The following TLR7 variants were observed in gnomAD, a reference collection of about 807,000 sequenced individuals.
TLR7 encodes toll like receptor 7.
TLR7 carries 12 observed loss-of-function variants against 38.3 expected under a neutral mutation model. The observed-to-expected ratio is 0.31, with a 90% CI of 0.20 to 0.51. The LOEUF (loss-of-function observed/expected upper bound fraction) is 0.51, where lower values mean the gene tolerates loss of function less well. Among genes scored for constraint, TLR7 ranks in the 20% least tolerant of loss-of-function variants. The probability of loss-of-function intolerance (pLI) is 0.98; values close to 1 mark genes in which losing one functional copy is unlikely to be tolerated. For missense variants in TLR7, 504 were observed against 743.4 expected (o/e 0.68, Z 3.74); for synonymous variants, 285 against 293.8 (o/e 0.97, Z 0.31).
rs746558365 is a variant in TLR7, at chrX:12,888,575, C to A, written c.3067C>A (p.Pro1023Thr). 3 of 1,211,415 alleles carry A rather than the reference C, an allele frequency of 2.5e-6. No homozygotes were observed. The East Asian group carries it at 8.9e-5, about 36-fold the overall frequency. The change falls in exon 3 of 3, where the codon CCA (proline) becomes ACA (threonine). Residue 1023 changes from proline to threonine, a missense_variant. Pro to Thr is a conservative substitution (Grantham distance 38). Coordinates refer to ENST00000380659, the MANE Select transcript of TLR7 (RefSeq NM_016562.4). ...LEWPTNPQAH[P>T]YFWQCLKNAL... ...GTGGCCAACAAACCCGCAAGCTCACCCATACTTCTGGCAGTGTCTAAAGAA... is the reference window on the plus strand; with the variant it reads ...GTGGCCAACAAACCCGCAAGCTCACACATACTTCTGGCAGTGTCTAAAGAA...
chrX:12,882,780 C>T (rs2042897047), intron 2 of TLR7, among the ~76,000 whole-genome samples: 1 of 112,062 alleles, frequency 8.9e-6, no homozygotes, highest in South Asian at 3.7e-4. Flanking sequence ...GGCACATCCT[C>T]GGAAACGCAG....
intron 2 of TLR7, among the ~76,000 whole-genome samples, chrX:12,883,847 CAAG>C (rs1234943792): frequency 4.5e-5 from 5 of 111,163 alleles, no homozygotes; most frequent in South Asian, 3.8e-4. Flanking sequence ...AGGGGGGTGA[CAAG>C]AAGAAGAGAC....
At chrX:12,882,798 ACTG>A in intron 2 of TLR7, among the ~76,000 whole-genome samples, 1 of 112,025 alleles carries the variant, frequency 8.9e-6, no homozygotes, top group Middle Eastern at 4.6e-3. Flanking sequence ...CAGTATGAGG[ACTG>A]CTGTGTCAAT....
chrX:12,880,845 C>T (rs986427015), intron 2 of TLR7, among the ~76,000 whole-genome samples: 1 of 111,212 alleles, frequency 9.0e-6, no homozygotes, highest in Non-Finnish European at 1.9e-5. Context: ...GTGGTAAGGG[C>T]TATGACCGAA....
Position 12,890,095 on chromosome X carries a change from T to C in TLR7, c.*1437T>C, listed in dbSNP as rs202115250. On this transcript the variant is annotated 3_prime_UTR_variant, in exon 3 of 3. Transcript: ENST00000380659. ...GGGTATAAATTCATGAGTTCAAAGA[T>C]TGAAACCTGACCAATTTGCTTTATT... is the stretch of plus-strand genomic sequence containing the variant. 1 of 112,740 alleles carries C rather than the reference T, an allele frequency of 8.9e-6. No homozygotes were observed. Among genetic ancestry groups the C allele is most frequent in the Non-Finnish European group, 1.9e-5 (1 of 53,360 alleles). The allele number at this position is 112,740 out of a possible 1,213,427, so 9.3% of individuals were successfully genotyped here.
intron 2 of TLR7, among the ~76,000 whole-genome samples, chrX:12,879,013 G>T (rs1427441460): frequency 8.9e-6 from 1 of 112,196 alleles, no homozygotes; most frequent in Non-Finnish European, 1.9e-5. Flanking sequence ...AACTTAAAGT[G>T]TAGAGTTGCA....
intron 2 of TLR7, among the ~76,000 whole-genome samples, chrX:12,883,633 C>T (rs962121233): frequency 9.0e-6 from 1 of 111,276 alleles, no homozygotes; most frequent in Non-Finnish European, 1.9e-5. Context: ...GAGTTCACAG[C>T]AAGAAACTGA....
intron 2 of TLR7, among the ~76,000 whole-genome samples, chrX:12,869,567 A>T (rs887723022): frequency 2.7e-5 from 3 of 110,493 alleles, no homozygotes; most frequent in African/African-American, 6.6e-5. Context: ...GAGGGGAACA[A>T]CACTCACTGA....
chrX:12,880,385 T>A (rs1569108214), intron 2 of TLR7, among the ~76,000 whole-genome samples: 1 of 111,573 alleles, frequency 9.0e-6, no homozygotes. Flanking sequence ...CCACCCAGAG[T>A]GCTTTTCACA....
intron 2 of TLR7, among the ~76,000 whole-genome samples, chrX:12,878,691 A>T (rs1399868037): frequency 1.8e-5 from 2 of 111,663 alleles, no homozygotes; most frequent in African/African-American, 6.5e-5. Context: ...GCAGCTCTAG[A>T]CAGCCTGAAG....
intron 2 of TLR7, among the ~76,000 whole-genome samples, chrX:12,876,025 C>T (rs1390253650): frequency 9.5e-6 from 1 of 105,194 alleles, no homozygotes; most frequent in East Asian, 3.0e-4. Flanking sequence ...GTGGTATGAT[C>T]GTGGCTTACT....
intron 2 of TLR7, chrX:12,877,754 T>C (rs1170764963): frequency 9.0e-6 from 1 of 111,108 alleles, no homozygotes. Flanking sequence ...GCCCTTCCAA[T>C]GATACCATCC....
In TLR7 at chrX:12,886,971, A is replaced by G. The variant is rs2042914027; in HGVS notation, c.1463A>G (p.Asn488Ser). The G allele has an allele frequency of 8.3e-7, 1 of 1,211,818 alleles. No homozygotes were observed. Among genetic ancestry groups the G allele is most frequent in the Non-Finnish European group, 1.1e-6 (1 of 895,441 alleles). ...KNKEASFMSVNESCYKYGQTL... is the reference protein window; with the variant it reads ...KNKEASFMSVSESCYKYGQTL... ...AAAGAGGCTTCTTTCATGTCTGTTA[A>G]TGAAAGCTGCTACAAGTATGGGCAG... is the stretch of plus-strand genomic sequence containing the variant. Residue 488 changes from asparagine to serine, a missense_variant, in exon 3 of 3, where the codon AAT becomes AGT. By Grantham distance (46) the Asn-to-Ser change is conservative. Coordinates refer to ENST00000380659, the MANE Select transcript of TLR7 (RefSeq NM_016562.4).
rs1037948049 is a variant in TLR7, at chrX:12,888,799, C to T, written c.*141C>T. 12 of 622,881 alleles carry T rather than the reference C, an allele frequency of 1.9e-5. No homozygotes were observed. The highest frequency in any genetic ancestry group is 4.5e-5 in the African/African-American group (2 of 44,269). 51.3% of individuals were successfully genotyped at this position (622,881 alleles called of 1,213,427 possible). Reference sequence around the variant, plus strand: ...GCCCATATTTCAGGGGAGCCACCAACGTCTGTCACAGGAGTTGGAAAGATG... The same window carrying T: ...GCCCATATTTCAGGGGAGCCACCAATGTCTGTCACAGGAGTTGGAAAGATG... On this transcript the variant is annotated 3_prime_UTR_variant, in exon 3 of 3. Coordinates refer to ENST00000380659, the MANE Select transcript of TLR7 (RefSeq NM_016562.4).
At chrX:12,868,690 G>A (rs946453017) in intron 2 of TLR7, among the ~76,000 whole-genome samples, 3 of 111,242 alleles carry the variant, frequency 2.7e-5, no homozygotes, top group East Asian at 2.8e-4. Context: ...AAACTTAGTC[G>A]GAAAAAGACG....
chrX:12,886,375 G>A lies in TLR7; in HGVS notation c.867G>A (p.Leu289=). ...TCCCTGTAAATGCTTTTGATGCGCT[G>A]ACAGAATTAAAAGTTTTACGTCTAC... ...LQIPVNAFDA[L]TELKVLRLHS... The change falls in exon 3 of 3, where the codon CTG becomes CTA. Residue 289 remains leucine, a synonymous_variant. Transcript: ENST00000380659. 1 of 1,211,753 alleles carries A rather than the reference G, an allele frequency of 8.3e-7. No homozygotes were observed. Among genetic ancestry groups the A allele is most frequent in the South Asian group, 1.8e-5 (1 of 56,987 alleles).
chrX:12,880,105 T>G (rs888867011), intron 2 of TLR7, among the ~76,000 whole-genome samples: 3 of 111,824 alleles, frequency 2.7e-5, no homozygotes, highest in Non-Finnish European at 5.6e-5. Flanking sequence ...TCCACAGGAT[T>G]TTGAGCTCCT....
intron 2 of TLR7, among the ~76,000 whole-genome samples, chrX:12,884,047 A>T (rs750652808): frequency 4.5e-5 from 5 of 111,318 alleles, no homozygotes; most frequent in Admixed American, 1.9e-4. Flanking sequence ...TGGTGTGATC[A>T]CGGCTCACTG....
intron 2 of TLR7, among the ~76,000 whole-genome samples, chrX:12,883,523 A>G (rs780607079): frequency 5.4e-5 from 6 of 111,955 alleles, no homozygotes; most frequent in Non-Finnish European, 1.1e-4. Flanking sequence ...AAAAAATAAA[A>G]TAAAATAAGA....
Sources: allele counts gnomAD v4.1 joint callset (sites outside exome capture counted in the v4.1 genomes callset), GRCh38; gene constraint gnomAD v4.1.1; transcripts MANE v1.5; gene names NCBI Gene and HGNC (gene_info 2026-07-23, HGNC 2026-07-21).